UVRAG: variants seen among roughly 807,000 people sequenced by gnomAD.
The protein encoded by UVRAG is UV radiation resistance associated, also known as UV radiation resistance-associated gene protein.
Under a neutral mutation model 78.0 loss-of-function variants are expected in UVRAG, and 19 were observed. The ratio of observed to expected loss-of-function variants is 0.24; its 90% CI spans 0.17 to 0.36. The LOEUF (loss-of-function observed/expected upper bound fraction) is 0.36. Ranked by LOEUF, UVRAG falls within the 10% of genes least tolerant of loss-of-function variation. The probability of loss-of-function intolerance (pLI) is 1.00; values close to 1 mark genes in which losing one functional copy is unlikely to be tolerated. For missense variants in UVRAG, 740 were observed against 853.8 expected (o/e 0.87, Z 1.66); for synonymous variants, 323 against 324.6 (o/e 1.00, Z 0.05).
intron 6 of UVRAG, among the ~76,000 whole-genome samples, chr11:75,930,306 CT>C (rs1948207166): frequency 6.6e-6 from 1 of 152,082 alleles, no homozygotes; most frequent in Non-Finnish European, 1.5e-5. Context: ...TAATGAAAGT[CT>C]TTTATACTTT....
intron 3 of UVRAG, among the ~76,000 whole-genome samples, chr11:75,869,895 G>T (rs149046499): frequency 1.6e-3 from 241 of 152,304 alleles, no homozygotes; most frequent in Middle Eastern, 0.014. Context: ...TCAAGCAACA[G>T]TAATAAATAA....
chr11:75,916,771 A>T (rs60935802), intron 6 of UVRAG: 19,579 of 152,094 alleles, frequency 0.13, 2,725 homozygotes, highest in African/African-American at 0.35. Context: ...AAATGGGGAA[A>T]CCTGATTAGT....
intron 12 of UVRAG, among the ~76,000 whole-genome samples, chr11:76,029,071 T>C (rs764614932): frequency 1.3e-5 from 2 of 152,214 alleles, no homozygotes; most frequent in Non-Finnish European, 2.9e-5. Context: ...GTGACCATTC[T>C]GAAAATCCTG....
intron 13 of UVRAG, among the ~76,000 whole-genome samples, chr11:76,079,303 A>T (rs966220191): frequency 3.9e-5 from 6 of 151,998 alleles, no homozygotes; most frequent in Admixed American, 3.9e-4. Flanking sequence ...GGGCAGCACA[A>T]CAAGACCTCA....
chr11:76,104,059 G>A lies in UVRAG; in HGVS notation c.1306-11865G>A, dbSNP rs749972385. On this transcript the variant is annotated intron_variant, in intron 13 of 14. Coordinates refer to ENST00000356136, the MANE Select transcript of UVRAG (RefSeq NM_003369.4). ...CTTATATGCAATATTTAGACTGTGC[G>A]CTGCAGTGTAAACTATCAGAGTTGA... 3.3e-5 allele frequency among the ~76,000 whole-genome samples: 5 copies of A among 152,144 alleles called. No homozygotes were observed. In the East Asian group the frequency reaches 5.8e-4, roughly 18 times the overall value.
chr11:76,104,963 A>AGC lies in UVRAG; in HGVS notation c.1306-10960_1306-10959dup, dbSNP rs1374774136. Among the ~76,000 whole-genome samples, 23 of 152,354 alleles carry AGC rather than the reference A, an allele frequency of 1.5e-4. No individual in the cohort carries two copies. In the East Asian group the frequency reaches 4.4e-3, roughly 29 times the overall value. ...TTTTCCATACATAGGAACTCCCTGT[A>AGC]GCTACACATTGCTTATAGGATTGTG... On this transcript the variant is annotated intron_variant, in intron 13 of 14. Coordinates refer to ENST00000356136, the MANE Select transcript of UVRAG (RefSeq NM_003369.4).
At chr11:76,001,031 A>G (rs1247451915) in intron 8 of UVRAG, among the ~76,000 whole-genome samples, 1 of 152,222 alleles carries the variant, frequency 6.6e-6, no homozygotes, top group Non-Finnish European at 1.5e-5. Flanking sequence ...ACTCCACTGA[A>G]CACTAGCAGA....
intron 6 of UVRAG, among the ~76,000 whole-genome samples, chr11:75,919,959 AGAAGATTTAG>A (rs561010808): frequency 6.7e-5 from 10 of 150,118 alleles, no homozygotes; most frequent in Non-Finnish European, 1.0e-4. Context: ...GCAGGCACAT[AGAAGATTTAG>A]GAAGGTTTTC....
chr11:75,825,323 G>C (rs986112614), intron 1 of UVRAG, among the ~76,000 whole-genome samples: 2 of 151,752 alleles, frequency 1.3e-5, no homozygotes, highest in African/African-American at 4.8e-5. Flanking sequence ...ACATTGGCCA[G>C]ACTGATCTCG....
At chr11:75,998,646 C>G (rs929483383) in intron 8 of UVRAG, among the ~76,000 whole-genome samples, 1 of 152,162 alleles carries the variant, frequency 6.6e-6, no homozygotes, top group Non-Finnish European at 1.5e-5. Flanking sequence ...GATGTGAGCA[C>G]TGATTACTAA....
chr11:76,116,236 G>T (rs931685066), intron 14 of UVRAG, among the ~76,000 whole-genome samples: 1 of 152,208 alleles, frequency 6.6e-6, no homozygotes, highest in Non-Finnish European at 1.5e-5. Flanking sequence ...AGGGGATATT[G>T]CTTGAACTTT....
In UVRAG at chr11:75,985,390, TA is replaced by T. The variant is rs147132741; in HGVS notation, c.826+1884del. 9.9e-3 allele frequency among the ~76,000 whole-genome samples: 1,503 copies of T among 152,058 alleles called. 21 individuals are homozygous for T. The highest frequency in any genetic ancestry group is 0.035 in the African/African-American group (1,441 of 41,546). ...CCTGTTTGAATCTTTTGCCCATTAA[TA>T]AAAAAAGTTTGGTTTGACTGTCTTT... On this transcript the variant is annotated intron_variant, in intron 8 of 14. Coordinates refer to ENST00000356136, the MANE Select transcript of UVRAG (RefSeq NM_003369.4).
intron 13 of UVRAG, among the ~76,000 whole-genome samples, chr11:76,067,588 C>G (rs1356632815): frequency 6.6e-6 from 1 of 152,068 alleles, no homozygotes; most frequent in Non-Finnish European, 1.5e-5. Context: ...AAAACCCCAT[C>G]TCTACTAAAA....
chr11:75,974,998 T>G (rs1034392231), intron 7 of UVRAG, among the ~76,000 whole-genome samples: 1 of 152,206 alleles, frequency 6.6e-6, no homozygotes, highest in Non-Finnish European at 1.5e-5. Context: ...TCCTAGGGGT[T>G]TTTATGGTTT....
chr11:75,951,847 A>G (rs1948709860), intron 6 of UVRAG, among the ~76,000 whole-genome samples: 2 of 152,152 alleles, frequency 1.3e-5, no homozygotes, highest in Non-Finnish European at 2.9e-5. Flanking sequence ...TTGCATATCA[A>G]TTTTAAAAGC....
At chr11:75,991,646 A>C (rs1373599488) in intron 8 of UVRAG, among the ~76,000 whole-genome samples, 11 of 152,168 alleles carry the variant, frequency 7.2e-5, no homozygotes, top group Admixed American at 3.3e-4. Flanking sequence ...CAAAACTGTC[A>C]ATCACTGAAT....
intron 2 of UVRAG, among the ~76,000 whole-genome samples, chr11:75,858,413 T>G (rs1371735737): frequency 6.6e-6 from 1 of 152,214 alleles, no homozygotes; most frequent in African/African-American, 2.4e-5. Context: ...GTCTTAGGGT[T>G]TTCTCCATAT....
intron 9 of UVRAG, among the ~76,000 whole-genome samples, chr11:76,007,284 C>T (rs1300692666): frequency 1.3e-5 from 2 of 152,144 alleles, no homozygotes; most frequent in African/African-American, 4.8e-5. Flanking sequence ...CCACCACTCC[C>T]AGCCCCCTTT....
chr11:76,085,177 G>C (rs1951566633), intron 13 of UVRAG, among the ~76,000 whole-genome samples: 1 of 150,512 alleles, frequency 6.6e-6, no homozygotes, highest in African/African-American at 2.4e-5. Context: ...ATATCCTTTT[G>C]AGACATTTGG....
Sources: gnomAD v4.1 joint callset for allele counts (sites outside exome capture counted in the v4.1 genomes callset) on GRCh38, gnomAD v4.1.1 for gene constraint, MANE v1.5 for transcripts, NCBI Gene and HGNC (gene_info 2026-07-23, HGNC 2026-07-21) for gene names.